The following RPL12 variants were observed in gnomAD, a reference collection of about 807,000 sequenced individuals.
RPL12 encodes the protein large ribosomal subunit protein uL11.
RPL12 carries 10 observed loss-of-function variants against 24.5 expected under a neutral mutation model. That is an observed-to-expected ratio of 0.41 (90% confidence interval 0.25 to 0.69). RPL12 has a LOEUF of 0.69. Among genes scored for constraint, RPL12 ranks in the 30% least tolerant of loss-of-function variants. The pLI, the probability that RPL12 is intolerant of heterozygous loss-of-function variation, is 0.33. For missense variants in RPL12, 137 were observed against 205.3 expected (o/e 0.67, Z 2.03); for synonymous variants, 74 against 76.1 (o/e 0.97, Z 0.14).
chr9:127,450,582 A>T (rs1834274478), intron 2 of RPL12, 149 bp downstream of exon 2: 3 of 577,028 alleles, frequency 5.2e-6, no homozygotes, highest in Non-Finnish European at 9.2e-6. Flanking sequence ...CGACCTTCCT[A>T]AGGTACCTAG....
intron 2 of RPL12, 92 bp from the exon 3 acceptor site, chr9:127,449,800 G>GC (rs1333913948): frequency 1.0e-6 from 1 of 957,032 alleles, no homozygotes; most frequent in Non-Finnish European, 1.7e-6. Context: ...AACAAAGGAA[G>GC]CTATCTCAAG....
intron 2 of RPL12, chr9:127,449,972 T>C: frequency 4.5e-6 from 2 of 444,294 alleles, no homozygotes; most frequent in Admixed American, 3.5e-5. Context: ...TCAGCCCTGC[T>C]GACATTAGAA....
intron 3 of RPL12, 82 bp from the exon 4 acceptor site, chr9:127,449,444 C>CA (rs1240304451): frequency 1.2e-5 from 17 of 1,406,752 alleles, no homozygotes; most frequent in Non-Finnish European, 1.7e-5. Flanking sequence ...CATGGCCACA[C>CA]ACTGTCCAAG....
intron 5 of RPL12, 59 bp downstream of exon 5, chr9:127,448,278 T>C: frequency 7.4e-7 from 1 of 1,346,680 alleles, no homozygotes. Flanking sequence ...AGAAGAATGT[T>C]ATCACTCAGT....
chr9:127,450,886 G>A (rs900034982), intron 1 of RPL12, 82 bp from the exon 2 acceptor site: 10 of 1,021,564 alleles, frequency 9.8e-6, no homozygotes, highest in Non-Finnish European at 1.5e-5. Flanking sequence ...GGTTGGACAC[G>A]CCACCCTCTG....
Position 127,449,351 on chromosome 9 carries a change from C to T in RPL12, c.222G>A (p.Val74=). The T allele has an allele frequency of 6.2e-7, 1 of 1,608,864 alleles. No individual in the cohort carries two copies. The highest frequency in any genetic ancestry group is 8.5e-7 in the Non-Finnish European group (1 of 1,179,806). ...IQNRQAQIEV[V]PSASALIIKA... Reference sequence around the variant, plus strand: ...TGATGATCAGGGCAGAGGCAGAAGGCACCACCTCAATCTGCAGAAGAGATT... The same window carrying T: ...TGATGATCAGGGCAGAGGCAGAAGGTACCACCTCAATCTGCAGAAGAGATT... Residue 74 remains valine (V), a synonymous_variant, in exon 4 of 7, where the codon GTG becomes GTA. Transcript: ENST00000361436.
Position 127,450,746 on chromosome 9 carries a change from G to A in RPL12, c.96C>T (p.Ile32=). 6.3e-7 allele frequency: 1 copy of A among 1,580,470 alleles called. No homozygotes were observed. The highest frequency in any genetic ancestry group is 8.6e-7 in the Non-Finnish European group (1 of 1,165,464). ...VGATSALAPK[I]GPLGLSPKKV... is the part of the protein sequence containing the mutation. ...GATAACGTACCAGACCCAGGGGGCCGATCTTGGGGGCCAGGGCAGAAGTGG... is the reference window on the plus strand; with the variant it reads ...GATAACGTACCAGACCCAGGGGGCCAATCTTGGGGGCCAGGGCAGAAGTGG... Residue 32 remains isoleucine, a synonymous_variant, in exon 2 of 7, where the codon ATC becomes ATT. Transcript: ENST00000361436.
chr9:127,448,440 A>C lies in RPL12; in HGVS notation c.293-17T>G. ...TGTGTTTAACTGCAGAAGAGGAAACAGCAAAAGCTCTTTTAAAGTCTGAAG... is the reference window on the plus strand; with the variant it reads ...TGTGTTTAACTGCAGAAGAGGAAACCGCAAAAGCTCTTTTAAAGTCTGAAG... On this transcript the variant is annotated splice_polypyrimidine_tract_variant and intron_variant, in intron 4 of 6. Coordinates refer to ENST00000361436, the MANE Select transcript of RPL12 (RefSeq NM_000976.4). 1 of 1,556,182 alleles carries C rather than the reference A, an allele frequency of 6.4e-7. No homozygotes were observed. The highest frequency in any genetic ancestry group is 1.4e-5 in the African/African-American group (1 of 73,944).
Position 127,447,781 on chromosome 9 carries a change from A to T in RPL12, c.493-55T>A. On this transcript the variant is annotated intron_variant, in intron 6 of 6. Coordinates refer to ENST00000361436, the MANE Select transcript of RPL12 (RefSeq NM_000976.4). Reference sequence around the variant, plus strand: ...AAGTTTAAAAGGATTATCCCACCCCACCAGTAACCATTTCCAAAACTTCCC... The same window carrying T: ...AAGTTTAAAAGGATTATCCCACCCCTCCAGTAACCATTTCCAAAACTTCCC... 11 of 1,612,802 alleles carry T rather than the reference A, an allele frequency of 6.8e-6. No homozygotes were observed. In the South Asian group the frequency reaches 1.2e-4, roughly 18 times the overall value.
At chr9:127,449,987 C>G in intron 2 of RPL12, 1 of 368,134 alleles carries the variant, frequency 2.7e-6, no homozygotes, top group South Asian at 3.4e-5. Flanking sequence ...TTAGAATCAC[C>G]TAAGGAGCTT....
At chr9:127,449,579 T>G in intron 3 of RPL12, 31 bp downstream of exon 3, 1 of 1,501,672 alleles carries the variant, frequency 6.7e-7, no homozygotes, top group Non-Finnish European at 9.3e-7. Flanking sequence ...CCCCCCACCC[T>G]CCTCTCCCGA....
At chr9:127,451,001 G>A in intron 1 of RPL12, 197 bp from the exon 2 acceptor site, 1 of 637,096 alleles carries the variant, frequency 1.6e-6, no homozygotes, top group Admixed American at 3.1e-5. Flanking sequence ...GAGCCCCGTC[G>A]CCCGCTAACC....
At chr9:127,448,525 G>A (rs1412810662) in intron 4 of RPL12, 102 bp from the exon 5 acceptor site, 1 of 839,342 alleles carries the variant, frequency 1.2e-6, no homozygotes, top group South Asian at 1.3e-5. Flanking sequence ...TTTCGGCACA[G>A]AGTCATCCAC....
At chr9:127,450,500 T>C (rs562881246) in intron 2 of RPL12, 3 of 493,000 alleles carry the variant, frequency 6.1e-6, no homozygotes, top group East Asian at 7.4e-5. Flanking sequence ...ACCCCTCAGG[T>C]ACACTAAAGC....
At chr9:127,447,753 A>C (rs891356541) in intron 6 of RPL12, 27 bp from the exon 7 acceptor site, 5 of 1,613,438 alleles carry the variant, frequency 3.1e-6, no homozygotes, top group Non-Finnish European at 1.7e-6. Context: ...AAAAATCAGT[A>C]AAAAGTTTAA....
In RPL12 at chr9:127,448,697, G is replaced by A. The variant is rs1042006103; in HGVS notation, c.293-274C>T. On this transcript the variant is annotated intron_variant, in intron 4 of 6. Coordinates refer to ENST00000361436, the MANE Select transcript of RPL12 (RefSeq NM_000976.4). ...AGAAACTGTTTTAGAGAAATGACAA[G>A]CTTAAATTGCCAGGGAGTTAAACTG... 6 of 652,308 alleles carry A rather than the reference G, an allele frequency of 9.2e-6. No individual in the cohort carries two copies. The African/African-American group carries it at 1.1e-4, about 12-fold the overall frequency. 40.4% of individuals were successfully genotyped at this position (652,308 alleles called of 1,614,324 possible).
intron 5 of RPL12, 34 bp downstream of exon 5, chr9:127,448,301 TAC>T (rs1834207478): frequency 1.3e-6 from 2 of 1,498,684 alleles, no homozygotes; most frequent in Admixed American, 1.7e-5. Flanking sequence ...AAAACACAAC[TAC>T]AGTTATGGCG....
chr9:127,451,165 G>A, intron 1 of RPL12, 116 bp downstream of exon 1: 1 of 1,391,920 alleles, frequency 7.2e-7, no homozygotes, highest in Non-Finnish European at 9.8e-7. Context: ...GCGCAACACC[G>A]GGAAGGTCTC....
At position 127,449,797 on chromosome 9, in the gene RPL12, G is replaced by A. The variant is rs1007319303; in HGVS notation, c.112-89C>T. ...CACCACTTCTCACTTGGCAACAAAGGAAGCTATCTCAAGTACCTAAGGGCA... is the reference window on the plus strand; with the variant it reads ...CACCACTTCTCACTTGGCAACAAAGAAAGCTATCTCAAGTACCTAAGGGCA... On this transcript the variant is annotated intron_variant, in intron 2 of 6. Coordinates refer to ENST00000361436, the MANE Select transcript of RPL12 (RefSeq NM_000976.4). The A allele has an allele frequency of 1.3e-5, 13 of 1,026,222 alleles. No homozygotes were observed. In the African/African-American group the frequency reaches 1.7e-4, roughly 14 times the overall value. The allele number at this position is 1,026,222 out of a possible 1,614,324, so 63.6% of individuals were successfully genotyped here. A position where few individuals can be genotyped will look rare whatever the true frequency, so the allele number is the denominator to read the frequency against.
Sources: allele counts gnomAD v4.1 joint callset, GRCh38; gene constraint gnomAD v4.1.1; transcripts MANE v1.5; gene names NCBI Gene and HGNC (gene_info 2026-07-23, HGNC 2026-07-21).